AK6: variants seen among roughly 807,000 people sequenced by gnomAD.
AK6 encodes adenylate kinase isoenzyme 6.
AK6 carries 24 observed loss-of-function variants against 23.7 expected under a neutral mutation model. That is an observed-to-expected ratio of 1.01 (90% confidence interval 0.73 to 1.43). The LOEUF (loss-of-function observed/expected upper bound fraction) is 1.43, where lower values mean the gene tolerates loss of function less well. Among genes scored for constraint, AK6 ranks in the 40% most tolerant of loss-of-function variants. The pLI is 0.00. For missense variants in AK6, 191 were observed against 199.1 expected (o/e 0.96, Z 0.24); for synonymous variants, 73 against 69.8 (o/e 1.05, Z -0.23).
rs916102941 is a variant in AK6 at position 69,369,232 on chromosome 5, C to G, written c.28+231G>C. 8 of 105,476 alleles carry G rather than the reference C, an allele frequency of 7.6e-5. No individual in the cohort carries two copies. In the South Asian group the frequency reaches 2.1e-3, roughly 28 times the overall value. The allele number at this position is 105,476 out of a possible 1,614,324, so 6.5% of individuals were successfully genotyped here. On this transcript the variant is annotated intron_variant, in intron 1 of 4. Coordinates refer to ENST00000380822, the MANE Select transcript of AK6 (RefSeq NM_016283.5). The stretch of plus-strand genomic sequence containing the variant: ...GATCTGCCGACCTCTCTCCACCCCC[C>G]CCCGCCCCCCCCCGGAGCCTCAGGC...
chr5:69,355,024 T>G (rs898609643), intron 4 of AK6, among the ~76,000 whole-genome samples: 1 of 151,978 alleles, frequency 6.6e-6, no homozygotes, highest in African/African-American at 2.4e-5. Context: ...AGTGACAGGA[T>G]TTCACCATGT....
In AK6 at chr5:69,355,780, T is replaced by C; in HGVS notation, c.195A>G (p.Leu65=). The stretch of plus-strand genomic sequence containing the variant: ...CTCCACCTTCTCTCATTTGGTTATC[T>C]AACTCATCAACTACCTGTAAGAAAA... ...ILDEDRVVDE[L]DNQMREGGVI... The change falls in exon 4 of 5, where the codon TTA becomes TTG. Residue 65 remains leucine (L), a synonymous_variant. Transcript: ENST00000380822. 2.5e-6 allele frequency: 4 copies of C among 1,608,694 alleles called. No individual in the cohort carries two copies. Among genetic ancestry groups the C allele is most frequent in the Non-Finnish European group, 3.4e-6 (4 of 1,178,634 alleles).
Position 69,355,678 on chromosome 5 carries a change from G to A in AK6, c.297C>T (p.Thr99=). The change falls in exon 4 of 5, where the codon ACC becomes ACT. Residue 99 remains threonine (T), a synonymous_variant. Transcript: ENST00000380822. The part of the protein sequence containing the change: ...FHIVFVLRTD[T]NVLYERLETR... ...TTTCAAGTCTTTCGTACAATACATT[G>A]GTATCTGTTCTCAGCACAAAAACTA... is the stretch of plus-strand genomic sequence containing the variant. 6.2e-7 allele frequency: 1 copy of A among 1,612,450 alleles called. No homozygotes were observed. Among genetic ancestry groups the A allele is most frequent in the Non-Finnish European group, 8.5e-7 (1 of 1,179,732 alleles).
intron 4 of AK6, among the ~76,000 whole-genome samples, chr5:69,352,483 C>T (rs1023570428): frequency 2.0e-5 from 3 of 152,046 alleles, no homozygotes; most frequent in Admixed American, 1.3e-4. Context: ...TTTCCCCCCC[C>T]CACAATTTGT....
intron 2 of AK6, among the ~76,000 whole-genome samples, chr5:69,358,503 G>A (rs1561215312): frequency 9.0e-6 from 1 of 111,534 alleles, no homozygotes; most frequent in Non-Finnish European, 1.7e-5. Context: ...GGGTGACAGA[G>A]CAAGACTCTG....
intron 1 of AK6, among the ~76,000 whole-genome samples, chr5:69,368,376 C>G (rs563165702): frequency 6.6e-6 from 1 of 152,286 alleles, no homozygotes; most frequent in African/African-American, 2.4e-5. Flanking sequence ...TTCCCATACC[C>G]AGGAGAATAA....
chr5:69,369,601 G>A (rs558646903), upstream of AK6: 3 of 1,585,214 alleles, frequency 1.9e-6, no homozygotes, highest in Non-Finnish European at 2.6e-6. Context: ...AGGCCCCGAA[G>A]CCCACCGCGG....
chr5:69,356,894 AC>A (rs1762097335), intron 2 of AK6, among the ~76,000 whole-genome samples: 1 of 152,224 alleles, frequency 6.6e-6, no homozygotes, highest in Non-Finnish European at 1.5e-5. Context: ...TTTAAATTTA[AC>A]ATAAGAACTT....
In AK6 at chr5:69,364,941, G is replaced by C. The variant is rs138549217; in HGVS notation, c.121+1562C>G. ...ATACATGTTACATTCAGCAAGGCTA[G>C]ATTACAGATTATCATAGTCATCATC... is the stretch of plus-strand genomic sequence containing the variant. On this transcript the variant is annotated intron_variant, in intron 2 of 4. Transcript: ENST00000380822. 2.5e-6 allele frequency: 4 copies of C among 1,605,578 alleles called. No homozygotes were observed. The African/African-American group carries it at 4.0e-5, about 16-fold the overall frequency.
At position 69,365,165 on chromosome 5, in the gene AK6, C is replaced by T. The variant is rs756466492; in HGVS notation, c.121+1338G>A. ...TTACAGCTGGAGACTGAGAAGTAGG[C>T]ATCTGTACTGTAAACCTTTGACCTG... is the stretch of plus-strand genomic sequence containing the variant. On this transcript the variant is annotated intron_variant, in intron 2 of 4. Coordinates refer to ENST00000380822, the MANE Select transcript of AK6 (RefSeq NM_016283.5). The T allele has an allele frequency of 5.6e-6, 9 of 1,614,044 alleles. No homozygotes were observed. The East Asian group carries it at 8.9e-5, about 16-fold the overall frequency.
At chr5:69,369,394 C>T (rs1044687847) in intron 1 of AK6, 69 bp downstream of exon 1, 2 of 1,565,348 alleles carry the variant, frequency 1.3e-6, no homozygotes, top group African/African-American at 1.4e-5. Context: ...CACCTGGGCG[C>T]CCGATGCCCA....
intron 4 of AK6, 103 bp downstream of exon 4, chr5:69,355,543 AAAC>A: frequency 7.7e-7 from 1 of 1,302,920 alleles, no homozygotes; most frequent in Admixed American, 2.9e-5. Flanking sequence ...AAACAAAACA[AAAC>A]AAAACAAAAC....
chr5:69,357,197 G>GT (rs1762106087), intron 2 of AK6, among the ~76,000 whole-genome samples: 1 of 152,232 alleles, frequency 6.6e-6, no homozygotes, highest in Non-Finnish European at 1.5e-5. Context: ...AAAAGCAGTT[G>GT]TAACTCCTTG....
At chr5:69,369,365 G>A (rs888980526) in intron 1 of AK6, 98 bp downstream of exon 1, 30 of 1,375,958 alleles carry the variant, frequency 2.2e-5, no homozygotes, top group Non-Finnish European at 2.7e-5. Context: ...GGCCTCTGAA[G>A]AGGGCAGTGA....
At position 69,355,919 on chromosome 5, in the gene AK6, G is replaced by T. The variant is rs772764994; in HGVS notation, c.156C>A (p.Asp52Glu). The T allele has an allele frequency of 1.9e-6, 3 of 1,610,034 alleles. No individual in the cohort carries two copies. The highest frequency in any genetic ancestry group is 2.5e-6 in the Non-Finnish European group (3 of 1,178,836). Residue 52 changes from aspartate to glutamate, a missense_variant, in exon 3 of 5, where the codon GAC becomes GAA. Transcript: ENST00000380822. ...CTCTGTCTTCATCTAAAATGGGACA[G>T]TCATACTCTTCATCATAGCCATCAT... ...QLYDGYDEEY[D>E]CPILDEDRVV...
At chr5:69,354,601 T>C (rs983310524) in intron 4 of AK6, among the ~76,000 whole-genome samples, 9 of 152,212 alleles carry the variant, frequency 5.9e-5, no homozygotes, top group African/African-American at 2.2e-4. Context: ...TTCTCTTTAC[T>C]GGTTCTTCCG....
At chr5:69,352,432 G>A (rs1018643240) in intron 4 of AK6, among the ~76,000 whole-genome samples, 179 bp from the exon 5 acceptor site, 4 of 152,056 alleles carry the variant, frequency 2.6e-5, no homozygotes, top group African/African-American at 9.7e-5. Flanking sequence ...ACACTAGGGT[G>A]AAACTAAAGA....
intron 2 of AK6, among the ~76,000 whole-genome samples, chr5:69,361,314 G>A (rs1019330941): frequency 6.6e-6 from 1 of 152,038 alleles, no homozygotes; most frequent in South Asian, 2.1e-4. Flanking sequence ...GTAGAGACGG[G>A]GTTTCACCGT....
In AK6 at chr5:69,365,535, G is replaced by C. The variant is rs775328082; in HGVS notation, c.121+968C>G. On this transcript the variant is annotated intron_variant, in intron 2 of 4. Transcript: ENST00000380822. ...CTGGATTGCCAATCGCACATCATCT[G>C]CATCAACAGTAGCTTTCTTAGCATG... is the stretch of plus-strand genomic sequence containing the variant. 6 of 1,613,738 alleles carry C rather than the reference G, an allele frequency of 3.7e-6. No individual in the cohort carries two copies. The East Asian group carries it at 1.3e-4, about 36-fold the overall frequency.
Sources: gnomAD v4.1 joint callset for allele counts (sites outside exome capture counted in the v4.1 genomes callset) on GRCh38, gnomAD v4.1.1 for gene constraint, MANE v1.5 for transcripts, NCBI Gene and HGNC (gene_info 2026-07-23, HGNC 2026-07-21) for gene names.